Variants in AFG2A observed in about 807,000 individuals in gnomAD.
AFG2A encodes ATPase family gene 2 protein homolog A.
At chr4:122,923,445 A>AGAG in the AFG2A span, 1 of 1,132,762 alleles carries the variant, frequency 8.8e-7, no homozygotes, top group South Asian at 1.5e-5. Flanking sequence ...GAAGCGTGTA[A>AGAG]GACTTCTGTA....
the AFG2A span, among the ~76,000 whole-genome samples, chr4:122,974,703 C>T: frequency 3.4e-4 from 52 of 151,982 alleles, no homozygotes; most frequent in African/African-American, 7.5e-4. Context: ...TGCAATGGTG[C>T]GATCTCGGCT....
the AFG2A span, among the ~76,000 whole-genome samples, chr4:122,982,864 C>CTTT: frequency 9.5e-3 from 888 of 93,690 alleles, 5 homozygotes; most frequent in African/African-American, 0.013. Context: ...TAATCTTCTT[C>CTTT]TTTTTTTTTT....
chr4:123,028,668 A>G, the AFG2A span, among the ~76,000 whole-genome samples: 1 of 152,154 alleles, frequency 6.6e-6, no homozygotes, highest in African/African-American at 2.4e-5. Context: ...ACAGAAGCTA[A>G]TCTTTTTTTT....
At chr4:123,256,091 T>C in the AFG2A span, 2 of 1,614,110 alleles carry the variant, frequency 1.2e-6, no homozygotes, top group Non-Finnish European at 1.7e-6. Flanking sequence ...AAGGGAAATA[T>C]TTAAGCTGCA....
chr4:123,137,406 G>A, the AFG2A span, among the ~76,000 whole-genome samples: 2 of 152,094 alleles, frequency 1.3e-5, no homozygotes, highest in African/African-American at 4.8e-5. Context: ...TGCTTCATCT[G>A]TGTTGAAGCT....
At chr4:123,145,217 G>T in the AFG2A span, among the ~76,000 whole-genome samples, 5 of 151,742 alleles carry the variant, frequency 3.3e-5, no homozygotes, top group African/African-American at 4.8e-5. Flanking sequence ...ATTTTACCTG[G>T]CCACACTGAT....
chr4:123,152,798 A>G, the AFG2A span, among the ~76,000 whole-genome samples: 1 of 152,238 alleles, frequency 6.6e-6, no homozygotes, highest in Non-Finnish European at 1.5e-5. Context: ...AAAAACCTGC[A>G]TACAATGTTT....
At chr4:123,186,277 A>G in the AFG2A span, among the ~76,000 whole-genome samples, 1 of 152,260 alleles carries the variant, frequency 6.6e-6, no homozygotes, top group Non-Finnish European at 1.5e-5. Flanking sequence ...AAAATAGTGT[A>G]GTAATATTGA....
chr4:123,242,547 T>C, the AFG2A span, among the ~76,000 whole-genome samples: 1 of 152,222 alleles, frequency 6.6e-6, no homozygotes, highest in Non-Finnish European at 1.5e-5. Flanking sequence ...GCTAGCCATA[T>C]GCAGAAAGCT....
At chr4:123,304,831 G>T in the AFG2A span, among the ~76,000 whole-genome samples, 1 of 152,158 alleles carries the variant, frequency 6.6e-6, no homozygotes, top group East Asian at 1.9e-4. Flanking sequence ...GATTCAGTGT[G>T]CAGCTGCAGA....
the AFG2A span, among the ~76,000 whole-genome samples, chr4:123,178,732 C>T: frequency 6.6e-6 from 1 of 152,138 alleles, no homozygotes; most frequent in Non-Finnish European, 1.5e-5. Context: ...TCCAAATTTA[C>T]ATTTTCCTAA....
chr4:123,248,617 C>T, the AFG2A span, among the ~76,000 whole-genome samples: 2 of 152,100 alleles, frequency 1.3e-5, no homozygotes, highest in Admixed American at 1.3e-4. Flanking sequence ...TTTCTTCTAT[C>T]TATTAGGAAA....
the AFG2A span, among the ~76,000 whole-genome samples, chr4:123,084,579 A>AGT: frequency 3.2e-5 from 4 of 125,070 alleles, no homozygotes; most frequent in Non-Finnish European, 6.8e-5. Flanking sequence ...ATATGTAAAT[A>AGT]GTATATATAT....
At chr4:123,253,406 C>A in the AFG2A span, among the ~76,000 whole-genome samples, 1 of 151,674 alleles carries the variant, frequency 6.6e-6, no homozygotes, top group Admixed American at 6.6e-5. Context: ...ATTGCTCGAA[C>A]CCAGGAGGCA....
the AFG2A span, among the ~76,000 whole-genome samples, chr4:123,094,476 G>T: frequency 5.2e-3 from 789 of 152,116 alleles, 2 homozygotes; most frequent in African/African-American, 0.018. Flanking sequence ...AGCAATATAG[G>T]AGTCAAATAT....
chr4:123,169,251 T>C, the AFG2A span, among the ~76,000 whole-genome samples: 2 of 152,210 alleles, frequency 1.3e-5, no homozygotes, highest in African/African-American at 4.8e-5. Context: ...AACGTGAACT[T>C]AGAAATATGG....
the AFG2A span, chr4:122,934,540 A>C: frequency 6.2e-7 from 1 of 1,614,186 alleles, no homozygotes; most frequent in East Asian, 2.2e-5. Flanking sequence ...CATAGGAGCA[A>C]AGTGCAATAC....
At chr4:123,186,361 A>G in the AFG2A span, among the ~76,000 whole-genome samples, 1 of 152,200 alleles carries the variant, frequency 6.6e-6, no homozygotes, top group Non-Finnish European at 1.5e-5. Context: ...AAAAATTATT[A>G]AGTGTAAAAG....
chr4:123,224,262 C>G, the AFG2A span, among the ~76,000 whole-genome samples: 5 of 151,874 alleles, frequency 3.3e-5, no homozygotes, highest in Non-Finnish European at 7.4e-5. Context: ...GCACAACGTG[C>G]AGGTTTGTTA....
Sources: allele counts gnomAD v4.1 joint callset (sites outside exome capture counted in the v4.1 genomes callset), GRCh38; gene constraint gnomAD v4.1.1; transcripts MANE v1.5; gene names NCBI Gene and HGNC (gene_info 2026-07-23, HGNC 2026-07-21).